Variants in HHAT observed in about 807,000 individuals in gnomAD.
HHAT encodes the protein protein-cysteine N-palmitoyltransferase HHAT.
Under a neutral mutation model 70.8 loss-of-function variants are expected in HHAT, and 47 were observed. The observed-to-expected ratio is 0.66, with a 90% confidence interval of 0.53 to 0.85. The LOEUF is 0.85. HHAT is among the 40% of genes least tolerant of loss of function. The pLI, the probability that HHAT is intolerant of heterozygous loss-of-function variation, is 0.00. For synonymous variants in HHAT, 228 were observed against 247.6 expected (o/e 0.92, Z 0.74); for missense variants, 609 against 604.8 (o/e 1.01, Z -0.07).
At chr1:210,623,785 G>A in intron 11 of HHAT, 115 bp downstream of exon 11, 1 of 1,082,060 alleles carries the variant, frequency 9.2e-7, no homozygotes, top group South Asian at 1.6e-5. Flanking sequence ...TATGTTCATG[G>A]CATGTGACCT....
At chr1:210,536,145 A>G (rs2095369802) in intron 9 of HHAT, among the ~76,000 whole-genome samples, 1 of 152,244 alleles carries the variant, frequency 6.6e-6, no homozygotes, top group South Asian at 2.1e-4. Flanking sequence ...TTAGAGCTTT[A>G]GTAAGTACCT....
At chr1:210,385,637 C>T (rs11581098) in intron 3 of HHAT, among the ~76,000 whole-genome samples, 18,724 of 152,124 alleles carry the variant, frequency 0.12, 1,200 homozygotes, top group Non-Finnish European at 0.15. Context: ...GTGTGGGGAG[C>T]ATGTGTAATC....
At chr1:210,601,953 G>GAC (rs1289085001) in intron 10 of HHAT, among the ~76,000 whole-genome samples, 1 of 106,652 alleles carries the variant, frequency 9.4e-6, no homozygotes, top group East Asian at 2.9e-4. Flanking sequence ...GAGAGAGAGA[G>GAC]AGAGTATGTG....
intron 9 of HHAT, among the ~76,000 whole-genome samples, chr1:210,566,275 T>C (rs534738249): frequency 6.6e-6 from 1 of 152,294 alleles, no homozygotes; most frequent in Admixed American, 6.5e-5. Flanking sequence ...TTTTTAGTGT[T>C]AAGCATATAG....
At chr1:210,572,666 G>A in intron 9 of HHAT, among the ~76,000 whole-genome samples, 1 of 152,220 alleles carries the variant, frequency 6.6e-6, no homozygotes, top group East Asian at 1.9e-4. Context: ...GGCCAAGGTG[G>A]GAGGATTGCT....
intron 9 of HHAT, among the ~76,000 whole-genome samples, chr1:210,520,062 C>A (rs1047534505): frequency 1.3e-5 from 2 of 152,018 alleles, no homozygotes; most frequent in African/African-American, 4.8e-5. Flanking sequence ...ATCACCCAGA[C>A]TGGAGTGCAA....
At position 210,365,309 on chromosome 1, in the gene HHAT, G is replaced by GTTTTTTTTTTT. The variant is rs4027290; in HGVS notation, c.159+2405_159+2415dup. 2.6e-4 allele frequency among the ~76,000 whole-genome samples: 20 copies of GTTTTTTTTTTT among 78,416 alleles called. 1 individual carries two copies. Among genetic ancestry groups the GTTTTTTTTTTT allele is most frequent in the East Asian group, 4.3e-4 (1 of 2,322 alleles). The allele number at this position is 78,416 out of a possible 152,430, so 51.4% of individuals were successfully genotyped here. A position where few individuals can be genotyped will look rare whatever the true frequency, so the allele number is the denominator to read the frequency against. ...TTGGTAAACCTCAGTACTGCTGACA[G>GTTTTTTTTTTT]TTTTTTTTTTTTTTTTTTTTTTTTT... On this transcript the variant is annotated intron_variant, in intron 3 of 11. Coordinates refer to ENST00000261458, the MANE Select transcript of HHAT (RefSeq NM_018194.6).
intron 9 of HHAT, among the ~76,000 whole-genome samples, chr1:210,548,520 T>C (rs2095502806): frequency 6.6e-6 from 1 of 152,140 alleles, no homozygotes; most frequent in African/African-American, 2.4e-5. Flanking sequence ...TTAGGGGAGC[T>C]CATGAGGCAG....
At position 210,674,465 on chromosome 1, in the gene HHAT, A is replaced by G. The variant is rs1242347330; in HGVS notation, c.*86A>G. ...GACCTCTCACTCCAGGACAGCCTCTAAGGGATTTGATCTGCTCATCTTCAG... is the reference window on the plus strand; with the variant it reads ...GACCTCTCACTCCAGGACAGCCTCTGAGGGATTTGATCTGCTCATCTTCAG... On this transcript the variant is annotated 3_prime_UTR_variant, in exon 12 of 12. Transcript: ENST00000261458. The G allele has an allele frequency of 9.8e-7, 1 of 1,023,400 alleles. No homozygotes were observed. The highest frequency in any genetic ancestry group is 1.6e-5 in the African/African-American group (1 of 63,450). The allele number at this position is 1,023,400 out of a possible 1,614,324, so 63.4% of individuals were successfully genotyped here. A position where few individuals can be genotyped will look rare whatever the true frequency, so the allele number is the denominator to read the frequency against.
At chr1:210,556,732 G>A (rs1423332555) in intron 9 of HHAT, among the ~76,000 whole-genome samples, 1 of 152,210 alleles carries the variant, frequency 6.6e-6, no homozygotes, top group Admixed American at 6.5e-5. Context: ...AGACCAAGAT[G>A]ATAGAATTTA....
intron 11 of HHAT, chr1:210,631,069 A>G (rs1389040302): frequency 1.3e-5 from 6 of 456,512 alleles, no homozygotes; most frequent in Non-Finnish European, 2.6e-5. Context: ...GTGTTTCTGC[A>G]TTTCTTACAA....
At chr1:210,654,809 C>CA (rs1165905016) in intron 11 of HHAT, among the ~76,000 whole-genome samples, 3 of 152,186 alleles carry the variant, frequency 2.0e-5, no homozygotes, top group African/African-American at 7.2e-5. Flanking sequence ...CAGCCTAGGT[C>CA]AGTACTCCTC....
chr1:210,591,420 A>T (rs1003320514), intron 10 of HHAT, among the ~76,000 whole-genome samples: 3 of 152,118 alleles, frequency 2.0e-5, no homozygotes, highest in Non-Finnish European at 2.9e-5. Flanking sequence ...CATTGTGTAT[A>T]TGTACCACAT....
Position 210,584,066 on chromosome 1 carries a change from C to A in HHAT, c.1044-3832C>A, listed in dbSNP as rs1287143961. Among the ~76,000 whole-genome samples, 12 of 151,012 alleles carry A rather than the reference C, an allele frequency of 7.9e-5. No individual in the cohort carries two copies. The Admixed American group carries it at 7.9e-4, about 10-fold the overall frequency. Reference sequence around the variant, plus strand: ...TCAAGCAATTCCCGGGCTAAGCCTCCCGAGTAGCTGAGACTACAGGTGTGC... The same window carrying A: ...TCAAGCAATTCCCGGGCTAAGCCTCACGAGTAGCTGAGACTACAGGTGTGC... On this transcript the variant is annotated intron_variant, in intron 9 of 11. Transcript: ENST00000261458.
At chr1:210,497,272 T>C (rs902158632) in intron 8 of HHAT, among the ~76,000 whole-genome samples, 15 of 152,202 alleles carry the variant, frequency 9.9e-5, no homozygotes, top group African/African-American at 3.6e-4. Flanking sequence ...TGAAAACAAA[T>C]CTGTTTTAGC....
At chr1:210,408,755 G>A (rs977757303) in intron 6 of HHAT, among the ~76,000 whole-genome samples, 1 of 152,224 alleles carries the variant, frequency 6.6e-6, no homozygotes, top group Non-Finnish European at 1.5e-5. Context: ...TGTCCCAGAA[G>A]CTTTGTTTAG....
chr1:210,533,094 A>G lies in HHAT; in HGVS notation c.1043+19906A>G, dbSNP rs542516341. On this transcript the variant is annotated intron_variant, in intron 9 of 11. Transcript: ENST00000261458. ...TTTTTCGGTGTGAAATCCCTGTGGC[A>G]TCTAGCATGGCACTTTGTTCAATAT... 5.3e-5 allele frequency among the ~76,000 whole-genome samples: 8 copies of G among 152,172 alleles called. No individual in the cohort carries two copies. In the East Asian group the frequency reaches 1.5e-3, roughly 29 times the overall value.
chr1:210,445,788 C>T (rs997326588), intron 7 of HHAT, among the ~76,000 whole-genome samples: 1 of 152,024 alleles, frequency 6.6e-6, no homozygotes, highest in Non-Finnish European at 1.5e-5. Context: ...GCCACCTGCC[C>T]CACCCTTCTC....
At chr1:210,601,970 A>AGTGTAT (rs1553294017) in intron 10 of HHAT, among the ~76,000 whole-genome samples, 2 of 149,366 alleles carry the variant, frequency 1.3e-5, no homozygotes, top group African/African-American at 5.0e-5. Context: ...TGTGTGTGAG[A>AGTGTAT]GTGTGTGTGT....
Sources: gnomAD v4.1 joint callset for allele counts (sites outside exome capture counted in the v4.1 genomes callset) on GRCh38, gnomAD v4.1.1 for gene constraint, MANE v1.5 for transcripts, NCBI Gene and HGNC (gene_info 2026-07-23, HGNC 2026-07-21) for gene names.